The following ASAP2 variants were observed in gnomAD, a reference collection of about 807,000 sequenced individuals.
The protein encoded by ASAP2 is arf-GAP with SH3 domain, ANK repeat and PH domain-containing protein 2.
In ASAP2, 45 loss-of-function variants were observed where a neutral mutation model predicts 131.4. That is an observed-to-expected ratio of 0.34 (90% confidence interval 0.27 to 0.44). ASAP2 has a LOEUF of 0.44. Among genes scored for constraint, ASAP2 ranks in the 20% least tolerant of loss-of-function variants. The pLI is 1.00. For missense variants in ASAP2, 1,011 were observed against 1,297.0 expected (o/e 0.78, Z 3.39); for synonymous variants, 510 against 503.0 (o/e 1.01, Z -0.19).
chr2:9,288,632 C>G (rs1238034929), intron 2 of ASAP2, among the ~76,000 whole-genome samples: 1 of 152,132 alleles, frequency 6.6e-6, no homozygotes, highest in African/African-American at 2.4e-5. Flanking sequence ...AACTCTTCCT[C>G]CATTAAAGGA....
At chr2:9,234,802 C>G (rs1021634145) in intron 1 of ASAP2, among the ~76,000 whole-genome samples, 1 of 152,152 alleles carries the variant, frequency 6.6e-6, no homozygotes, top group Non-Finnish European at 1.5e-5. Flanking sequence ...GAGCCCACTT[C>G]CGGCCTTGCG....
intron 1 of ASAP2, among the ~76,000 whole-genome samples, chr2:9,260,588 A>G (rs1406653794): frequency 6.6e-6 from 1 of 151,966 alleles, no homozygotes; most frequent in Non-Finnish European, 1.5e-5. Flanking sequence ...TTAGAAAACA[A>G]TCTCTGCTGC....
intron 1 of ASAP2, among the ~76,000 whole-genome samples, chr2:9,226,548 G>A (rs1662782554): frequency 6.6e-6 from 1 of 152,176 alleles, no homozygotes; most frequent in Admixed American, 6.5e-5. Flanking sequence ...CTTGCTGAAG[G>A]GCTTTGTGGT....
intron 1 of ASAP2, among the ~76,000 whole-genome samples, chr2:9,219,462 G>A (rs1048054909): frequency 6.6e-6 from 1 of 152,250 alleles, no homozygotes; most frequent in African/African-American, 2.4e-5. Context: ...CATCCTCCCT[G>A]ACCTAAAAAT....
chr2:9,297,131 A>T (rs1243919943), intron 2 of ASAP2, among the ~76,000 whole-genome samples, 169 bp from the exon 3 acceptor site: 3 of 152,078 alleles, frequency 2.0e-5, no homozygotes, highest in South Asian at 4.2e-4. Flanking sequence ...TGCCGGCACC[A>T]CGGGTTGTTG....
intron 1 of ASAP2, among the ~76,000 whole-genome samples, chr2:9,228,818 C>G (rs938394314): frequency 2.0e-5 from 3 of 152,186 alleles, no homozygotes; most frequent in African/African-American, 7.2e-5. Flanking sequence ...ATGAACGGCA[C>G]TCTTCCTAAA....
intron 15 of ASAP2, among the ~76,000 whole-genome samples, chr2:9,366,454 T>C (rs180723888): frequency 1.9e-3 from 290 of 152,286 alleles, no homozygotes; most frequent in Non-Finnish European, 3.2e-3. Context: ...GACAGTGTCC[T>C]GCTTGGATTG....
chr2:9,210,336 A>C (rs1043716461), intron 1 of ASAP2, among the ~76,000 whole-genome samples: 1 of 152,236 alleles, frequency 6.6e-6, no homozygotes, highest in Non-Finnish European at 1.5e-5. Flanking sequence ...GGTTAATAAT[A>C]CCTATCAACT....
At chr2:9,230,529 C>T (rs1663084888) in intron 1 of ASAP2, among the ~76,000 whole-genome samples, 1 of 152,160 alleles carries the variant, frequency 6.6e-6, no homozygotes, top group Admixed American at 6.5e-5. Flanking sequence ...AGCTGCTTTC[C>T]CTGGGCAGAC....
chr2:9,293,975 A>T (rs938888101), intron 2 of ASAP2, among the ~76,000 whole-genome samples: 31 of 151,538 alleles, frequency 2.0e-4, no homozygotes, highest in African/African-American at 7.0e-4. Context: ...TACATCGTTT[A>T]GAAGATGTAT....
In ASAP2 at chr2:9,378,943, G is replaced by C; in HGVS notation, c.1833-1G>C. ...CTCTCTCTGTTCCTGTTCTCGGGCA[G>C]TGGGAACCTGGATAAACAGACAGGG... On this transcript the variant is annotated splice_acceptor_variant, in intron 18 of 27. Transcript: ENST00000281419. LOFTEE classifies it high-confidence loss of function. The C allele has an allele frequency of 6.9e-7, 1 of 1,451,860 alleles. No homozygotes were observed. The highest frequency in any genetic ancestry group is 9.2e-7 in the Non-Finnish European group (1 of 1,091,322). 89.9% of individuals were successfully genotyped at this position (1,451,860 alleles called of 1,614,324 possible). A position where few individuals can be genotyped will look rare whatever the true frequency, so the allele number is the denominator to read the frequency against.
chr2:9,290,951 T>A (rs541469713), intron 2 of ASAP2, among the ~76,000 whole-genome samples: 1 of 152,214 alleles, frequency 6.6e-6, no homozygotes, highest in Non-Finnish European at 1.5e-5. Flanking sequence ...TCCCCACCAC[T>A]GTTAGCATTT....
intron 9 of ASAP2, among the ~76,000 whole-genome samples, chr2:9,343,111 T>A (rs1671703195): frequency 6.6e-6 from 1 of 152,136 alleles, no homozygotes; most frequent in African/African-American, 2.4e-5. Context: ...TCTGAGGATG[T>A]TCTGTGGGGA....
intron 16 of ASAP2, among the ~76,000 whole-genome samples, chr2:9,370,168 G>A (rs142988043): frequency 1.3e-5 from 2 of 151,506 alleles, no homozygotes; most frequent in Non-Finnish European, 2.9e-5. Flanking sequence ...TGTGTGGCAT[G>A]TCTTTGAGAA....
chr2:9,227,530 G>T (rs926474813), intron 1 of ASAP2, among the ~76,000 whole-genome samples: 1 of 152,020 alleles, frequency 6.6e-6, no homozygotes, highest in African/African-American at 2.4e-5. Context: ...AACGCTATTC[G>T]GGTGGGACAG....
chr2:9,227,790 GCTTAGAAACTT>G (rs1412304533), intron 1 of ASAP2, among the ~76,000 whole-genome samples: 1 of 152,204 alleles, frequency 6.6e-6, no homozygotes, highest in Non-Finnish European at 1.5e-5. Flanking sequence ...GATTCTATGT[GCTTAGAAACTT>G]CTTTGACCAG....
chr2:9,212,894 T>C (rs1028746155), intron 1 of ASAP2, among the ~76,000 whole-genome samples: 2 of 152,232 alleles, frequency 1.3e-5, no homozygotes, highest in African/African-American at 2.4e-5. Context: ...TGCGAAGCAC[T>C]GTTCGAGACG....
intron 1 of ASAP2, among the ~76,000 whole-genome samples, chr2:9,243,777 A>G (rs1664149305): frequency 6.6e-6 from 1 of 152,182 alleles, no homozygotes; most frequent in African/African-American, 2.4e-5. Flanking sequence ...CTTATTTACT[A>G]TGCTAGTTGC....
At position 9,207,238 on chromosome 2, in the gene ASAP2, G is replaced by A; in HGVS notation, c.126+8G>A. On this transcript the variant is annotated splice_region_variant and intron_variant, in intron 1 of 27. Coordinates refer to ENST00000281419, the MANE Select transcript of ASAP2 (RefSeq NM_003887.3). This position sits in a 1 kb window ranked among gnomAD's most constrained non-coding sequence, Gnocchi z 4.1. ...GTGGCGGCCATCGAGGAGGTGAGGCGGCCTGCGCGGCGGCTCCGGCCGCAG... is the reference window on the plus strand; with the variant it reads ...GTGGCGGCCATCGAGGAGGTGAGGCAGCCTGCGCGGCGGCTCCGGCCGCAG... 1 of 1,564,994 alleles carries A rather than the reference G, an allele frequency of 6.4e-7. No homozygotes were observed. Among genetic ancestry groups the A allele is most frequent in the Non-Finnish European group, 8.6e-7 (1 of 1,159,006 alleles).
Sources: gnomAD v4.1 joint callset for allele counts (sites outside exome capture counted in the v4.1 genomes callset) on GRCh38, gnomAD v4.1.1 for gene constraint, Gnocchi (gnomAD v3.1) non-coding constraint, MANE v1.5 for transcripts, NCBI Gene and HGNC (gene_info 2026-07-23, HGNC 2026-07-21) for gene names.